IQCM: variants seen among roughly 807,000 people sequenced by gnomAD.
IQCM encodes IQ motif containing M, also known as IQ domain-containing protein M.
Under a neutral mutation model 57.6 loss-of-function variants are expected in IQCM, and 45 were observed. The observed-to-expected ratio is 0.78, with a 90% CI of 0.62 to 1.00. The LOEUF (loss-of-function observed/expected upper bound fraction) is 1.00. Among genes scored for constraint, IQCM ranks in the 50% least tolerant of loss-of-function variants. IQCM has a pLI of 0.00. For missense variants in IQCM, 468 were observed against 511.6 expected (o/e 0.91, Z 0.82); for synonymous variants, 148 against 158.9 (o/e 0.93, Z 0.51).
At chr4:149,605,183 T>C (rs2150041273) in intron 8 of IQCM, among the ~76,000 whole-genome samples, 1 of 152,334 alleles carries the variant, frequency 6.6e-6, no homozygotes, top group South Asian at 2.1e-4. Context: ...TTTTGGCTTC[T>C]ACAGTACAGA....
chr4:149,549,256 C>T (rs962012567), intron 11 of IQCM, among the ~76,000 whole-genome samples: 12 of 152,160 alleles, frequency 7.9e-5, no homozygotes, highest in Admixed American at 3.9e-4. Flanking sequence ...TGGCTCACGC[C>T]TGTAATCCCA....
At chr4:149,481,875 T>C (rs1398378727) in intron 12 of IQCM, among the ~76,000 whole-genome samples, 2 of 151,002 alleles carry the variant, frequency 1.3e-5, no homozygotes, top group African/African-American at 4.9e-5. Flanking sequence ...ATGGACATTT[T>C]AAAAATAGTG....
intron 7 of IQCM, among the ~76,000 whole-genome samples, chr4:149,672,835 CA>C (rs1370817245): frequency 2.0e-5 from 3 of 152,022 alleles, no homozygotes; most frequent in African/African-American, 7.2e-5. Flanking sequence ...TCAGATTCAC[CA>C]AAGTTGAAAT....
At chr4:149,588,045 T>C in intron 8 of IQCM, 48 bp from the exon 9 acceptor site, 2 of 833,182 alleles carry the variant, frequency 2.4e-6, no homozygotes, top group Non-Finnish European at 3.2e-6. Flanking sequence ...AACAATGTTA[T>C]CACCTATAAA....
chr4:149,480,357 T>G (rs1203672250), intron 12 of IQCM, among the ~76,000 whole-genome samples: 1 of 152,146 alleles, frequency 6.6e-6, no homozygotes, highest in Admixed American at 6.6e-5. Context: ...TAGGTCTTAT[T>G]TATTTTTTCT....
At position 149,771,107 on chromosome 4, in the gene IQCM, G is replaced by C. The variant is rs545428159; in HGVS notation, c.-48-28368C>G. 2.0e-5 allele frequency among the ~76,000 whole-genome samples: 3 copies of C among 152,072 alleles called. No individual in the cohort carries two copies. In the East Asian group the frequency reaches 5.8e-4, roughly 29 times the overall value. ...CTACAATTAAAATTACAGCAAGAAT[G>C]TTTATTAGCAGTTATATATTTTCTA... On this transcript the variant is annotated intron_variant, in intron 2 of 13. Coordinates refer to ENST00000636793, the MANE Select transcript of IQCM (RefSeq NM_001363507.2).
chr4:149,603,085 A>G (rs1421735047), intron 8 of IQCM, among the ~76,000 whole-genome samples: 1 of 152,148 alleles, frequency 6.6e-6, no homozygotes, highest in Non-Finnish European at 1.5e-5. Flanking sequence ...AGTTATTTCC[A>G]TAAATAGGAT....
chr4:149,760,123 G>A (rs1490072823), intron 2 of IQCM, among the ~76,000 whole-genome samples: 3 of 151,924 alleles, frequency 2.0e-5, no homozygotes, highest in Non-Finnish European at 4.4e-5. Flanking sequence ...TTAGGGTACT[G>A]GGTGGACAAA....
intron 7 of IQCM, among the ~76,000 whole-genome samples, chr4:149,651,301 T>A (rs1008725285): frequency 6.6e-6 from 1 of 152,030 alleles, no homozygotes; most frequent in East Asian, 1.9e-4. Flanking sequence ...AACTGGAAGG[T>A]GGAAATAGAT....
At chr4:149,508,102 G>T (rs1396825600) in intron 12 of IQCM, among the ~76,000 whole-genome samples, 1 of 152,000 alleles carries the variant, frequency 6.6e-6, no homozygotes, top group Admixed American at 6.5e-5. Flanking sequence ...CCTCTGCCTA[G>T]ATTTCAAAGA....
intron 5 of IQCM, among the ~76,000 whole-genome samples, chr4:149,699,456 T>C (rs1360675161): frequency 1.3e-5 from 2 of 151,962 alleles, no homozygotes; most frequent in Non-Finnish European, 1.5e-5. Flanking sequence ...ATAACAGATA[T>C]GGCTACAGTC....
intron 7 of IQCM, among the ~76,000 whole-genome samples, chr4:149,674,127 T>C (rs1013595875): frequency 6.6e-6 from 1 of 152,068 alleles, no homozygotes; most frequent in Non-Finnish European, 1.5e-5. Flanking sequence ...AAAGATACAA[T>C]GAAACAAAAA....
At chr4:149,539,168 A>G (rs929019903) in intron 12 of IQCM, among the ~76,000 whole-genome samples, 2 of 152,178 alleles carry the variant, frequency 1.3e-5, no homozygotes, top group Admixed American at 1.3e-4. Context: ...TCCATCAACT[A>G]ATGAGTAGAT....
chr4:149,433,335 T>C (rs949099328), intron 13 of IQCM, 61 bp downstream of exon 13: 2 of 688,538 alleles, frequency 2.9e-6, no homozygotes, highest in African/African-American at 3.7e-5. Context: ...TACAGTTATA[T>C]ATTTAATATT....
rs947421918 is a variant in IQCM, at chr4:149,532,453, G to A, written c.1228+16002C>T. On this transcript the variant is annotated intron_variant, in intron 12 of 13. Transcript: ENST00000636793. Reference sequence around the variant, plus strand: ...CTACAGGATCTCCACAAGCTTTCCTGAAAAAGAGTTTTGGAAAGTTCTGAG... The same window carrying A: ...CTACAGGATCTCCACAAGCTTTCCTAAAAAAGAGTTTTGGAAAGTTCTGAG... Among the ~76,000 whole-genome samples the A allele has an allele frequency of 4.7e-4, 70 of 149,988 alleles. 1 individual carries two copies. The highest frequency in any genetic ancestry group is 3.5e-3 in the Middle Eastern group (1 of 282).
intron 5 of IQCM, chr4:149,691,737 C>A (rs1762952917): frequency 6.6e-6 from 1 of 152,040 alleles, no homozygotes; most frequent in Admixed American, 6.6e-5. Context: ...CAGATACTCA[C>A]ATCTGAATAC....
At chr4:149,358,644 A>T (rs2110900029) in intron 13 of IQCM, among the ~76,000 whole-genome samples, 1 of 152,256 alleles carries the variant, frequency 6.6e-6, no homozygotes, top group East Asian at 1.9e-4. Flanking sequence ...CAAATCCTGG[A>T]TAATATATTA....
chr4:149,745,288 A>C (rs1190296512), intron 2 of IQCM, among the ~76,000 whole-genome samples: 1 of 152,186 alleles, frequency 6.6e-6, no homozygotes, highest in Non-Finnish European at 1.5e-5. Context: ...GAACTATTGA[A>C]AGTTTTTGAA....
intron 2 of IQCM, among the ~76,000 whole-genome samples, chr4:149,772,180 T>C (rs1272310155): frequency 6.6e-6 from 1 of 152,032 alleles, no homozygotes; most frequent in Non-Finnish European, 1.5e-5. Flanking sequence ...ATATGTCCAT[T>C]ATGAGATTAT....
Sources: allele counts gnomAD v4.1 joint callset (sites outside exome capture counted in the v4.1 genomes callset), GRCh38; gene constraint gnomAD v4.1.1; transcripts MANE v1.5; gene names NCBI Gene and HGNC (gene_info 2026-07-23, HGNC 2026-07-21).